The following FOCAD variants were observed in gnomAD, a reference collection of about 807,000 sequenced individuals.
FOCAD encodes focadhesin, also known as KIAA1797.
Under a neutral mutation model 225.6 loss-of-function variants are expected in FOCAD, and 198 were observed. The ratio of observed to expected loss-of-function variants is 0.88; its 90% CI spans 0.78 to 0.99. FOCAD has a LOEUF of 0.99. Ranked by LOEUF, FOCAD falls within the 50% of genes least tolerant of loss-of-function variation. The pLI is 0.00. For synonymous variants in FOCAD, 897 were observed against 755.0 expected (o/e 1.19, Z -3.08); for missense variants, 2,713 against 2,123.6 (o/e 1.28, Z -5.46).
At chr9:20,907,077 G>A (rs2132020110) in intron 21 of FOCAD, 73 bp from the exon 22 acceptor site, 1 of 1,213,216 alleles carries the variant, frequency 8.2e-7, no homozygotes, top group East Asian at 2.4e-5. Flanking sequence ...AGAAAGAACT[G>A]ATGAAACAGT....
chr9:20,832,154 G>A (rs1825558538), intron 15 of FOCAD, among the ~76,000 whole-genome samples: 1 of 151,976 alleles, frequency 6.6e-6, no homozygotes, highest in Non-Finnish European at 1.5e-5. Flanking sequence ...TCATGTACAA[G>A]CTTTCATGTC....
rs1253234403 is a variant in FOCAD at position 20,740,236 on chromosome 9, A to G, written c.288A>G (p.Arg96=). Residue 96 remains arginine, a splice_region_variant and synonymous_variant, in exon 5 of 44, where the codon AGA becomes AGG. Transcript: ENST00000338382. ...TTTAACATGCTATATTTCTTTGCAG[A>G]AATACACATGGCTTGATAAAAGCCA... The part of the protein sequence containing the change: ...NGILNLIPST[R]NTHGLIKAIM... 5 of 1,587,304 alleles carry G rather than the reference A, an allele frequency of 3.1e-6. No individual in the cohort carries two copies. Among genetic ancestry groups the G allele is most frequent in the Non-Finnish European group, 4.3e-6 (5 of 1,161,130 alleles).
intron 27 of FOCAD, among the ~76,000 whole-genome samples, chr9:20,931,038 A>G (rs1371850077): frequency 6.6e-6 from 1 of 152,066 alleles, no homozygotes; most frequent in African/African-American, 2.4e-5. Context: ...ATTCTAGGCA[A>G]CTCATTTCAT....
chr9:20,792,881 C>G (rs1020992519), intron 11 of FOCAD, among the ~76,000 whole-genome samples: 1 of 152,060 alleles, frequency 6.6e-6, no homozygotes. Flanking sequence ...TGTGATAGTT[C>G]TACCCAGGGT....
intron 35 of FOCAD, among the ~76,000 whole-genome samples, chr9:20,975,716 C>T (rs768171174): frequency 6.6e-6 from 1 of 152,050 alleles, no homozygotes; most frequent in Non-Finnish European, 1.5e-5. Flanking sequence ...AGACTGTAGG[C>T]AAGTGAAAGA....
intron 15 of FOCAD, among the ~76,000 whole-genome samples, chr9:20,825,468 G>A (rs1174232457): frequency 6.6e-6 from 1 of 152,036 alleles, no homozygotes; most frequent in African/African-American, 2.4e-5. Flanking sequence ...GTAATGATTT[G>A]TCTATCTGTT....
At chr9:20,960,955 G>A (rs1564207492) in intron 35 of FOCAD, among the ~76,000 whole-genome samples, 2 of 151,928 alleles carry the variant, frequency 1.3e-5, no homozygotes, top group Non-Finnish European at 2.9e-5. Flanking sequence ...AGTATTCCAT[G>A]GTATTTATGT....
chr9:20,740,727 A>T (rs1292599762), intron 5 of FOCAD, among the ~76,000 whole-genome samples: 3 of 152,230 alleles, frequency 2.0e-5, no homozygotes, highest in Non-Finnish European at 1.5e-5. Context: ...TACTATAAAA[A>T]GCAATAGGAG....
intron 41 of FOCAD, among the ~76,000 whole-genome samples, chr9:20,989,666 T>TA (rs964611058): frequency 1.3e-5 from 2 of 152,054 alleles, no homozygotes; most frequent in African/African-American, 2.4e-5. Context: ...AAACATTTTT[T>TA]AAAAAAAATG....
In FOCAD at chr9:20,678,851, C is replaced by G. The variant is rs188355646; in HGVS notation, c.-77-15669C>G. Among the ~76,000 whole-genome samples the G allele has an allele frequency of 1.4e-3, 207 of 152,232 alleles. 1 individual carries two copies. Among genetic ancestry groups the G allele is most frequent in the African/African-American group, 4.8e-3 (199 of 41,524 alleles). On this transcript the variant is annotated intron_variant, in intron 2 of 45. Transcript: ENST00000380249. ...CGTCTCCCTTGTGATCTTTTTAATC[C>G]CTGCCCATACCTCTGTTTATAGTCT...
At chr9:20,908,912 AT>A (rs1397355846) in intron 22 of FOCAD, among the ~76,000 whole-genome samples, 1 of 152,042 alleles carries the variant, frequency 6.6e-6, no homozygotes, top group African/African-American at 2.4e-5. Flanking sequence ...CTTCCTCACA[AT>A]GAGCTCCCAG....
At chr9:20,911,988 C>T (rs1833476730) in intron 22 of FOCAD, among the ~76,000 whole-genome samples, 1 of 152,056 alleles carries the variant, frequency 6.6e-6, no homozygotes, top group Non-Finnish European at 1.5e-5. Context: ...ATAGTGAAGA[C>T]CATTTCATAT....
In FOCAD at chr9:20,770,248, G is replaced by A. The variant is rs1345752506; in HGVS notation, c.906+10G>A. ...TGAACTTCTGAAGGAGGTAAGGATA[G>A]TAGTATATTATACTGTTCATGCATT... On this transcript the variant is annotated intron_variant, in intron 8 of 43. Transcript: ENST00000338382. 3.7e-6 allele frequency: 6 copies of A among 1,607,950 alleles called. No homozygotes were observed. Among genetic ancestry groups the A allele is most frequent in the South Asian group, 2.2e-5 (2 of 90,886 alleles).
intron 10 of FOCAD, chr9:20,787,107 C>A: frequency 3.9e-6 from 1 of 253,462 alleles, no homozygotes; most frequent in Non-Finnish European, 8.1e-6. Flanking sequence ...AATAAACAAA[C>A]AAACTTAAGA....
At chr9:20,808,891 T>C (rs1431744401) in intron 11 of FOCAD, among the ~76,000 whole-genome samples, 1 of 152,182 alleles carries the variant, frequency 6.6e-6, no homozygotes, top group Non-Finnish European at 1.5e-5. Flanking sequence ...AAAATAACAT[T>C]TTATTTTACT....
chr9:20,963,415 A>C (rs1838948727), intron 35 of FOCAD, among the ~76,000 whole-genome samples: 1 of 152,224 alleles, frequency 6.6e-6, no homozygotes, highest in Admixed American at 6.5e-5. Context: ...TCCTGGTATT[A>C]GAAGGCAGGC....
upstream of FOCAD, among the ~76,000 whole-genome samples, chr9:20,655,807 G>C (rs1041666497): frequency 6.6e-6 from 1 of 151,766 alleles, no homozygotes; most frequent in Non-Finnish European, 1.5e-5. Flanking sequence ...GTTATTTCTT[G>C]CCTTCTGCTA....
rs374473801 is a variant in FOCAD at position 20,908,413 on chromosome 9, C to T, written c.2718+1171C>T. 3.3e-5 allele frequency among the ~76,000 whole-genome samples: 5 copies of T among 152,072 alleles called. No homozygotes were observed. The South Asian group carries it at 1.0e-3, about 32-fold the overall frequency. On this transcript the variant is annotated intron_variant, in intron 22 of 43. Transcript: ENST00000338382. The stretch of plus-strand genomic sequence containing the variant: ...AACCCATCTTACAGATCTTAGAACT[C>T]GTAAAACACTAATGTATCTTCAGAG...
rs536036870 is a variant in FOCAD at position 20,859,928 on chromosome 9, A to G, written c.1921-2650A>G. Among the ~76,000 whole-genome samples the G allele has an allele frequency of 3.0e-4, 45 of 152,064 alleles. 1 individual carries two copies. In the East Asian group the frequency reaches 5.6e-3, roughly 19 times the overall value. ...GGAGCTTAGGGGACAATCAAGAATG[A>G]TGAATGATTATGAGTTTTTTTGGGA... is the stretch of plus-strand genomic sequence containing the variant. On this transcript the variant is annotated intron_variant, in intron 15 of 43. Coordinates refer to ENST00000338382, the MANE Select transcript of FOCAD (RefSeq NM_001375567.1).
Sources: allele counts gnomAD v4.1 joint callset (sites outside exome capture counted in the v4.1 genomes callset), GRCh38; gene constraint gnomAD v4.1.1; transcripts MANE v1.5; gene names NCBI Gene and HGNC (gene_info 2026-07-23, HGNC 2026-07-21).